DNAH6: variants seen among roughly 807,000 people sequenced by gnomAD.
DNAH6 encodes the protein dynein axonemal heavy chain 6, also known as axonemal beta dynein heavy chain 6.
DNAH6 carries 340 observed loss-of-function variants against 491.4 expected under a neutral mutation model. The observed-to-expected ratio is 0.69, with a 90% CI of 0.63 to 0.76. The LOEUF (loss-of-function observed/expected upper bound fraction) is 0.76. Ranked by LOEUF, DNAH6 falls within the 30% of genes least tolerant of loss-of-function variation. DNAH6 has a pLI of 0.00. For synonymous variants in DNAH6, 1,603 were observed against 1,686.1 expected (o/e 0.95, Z 1.21); for missense variants, 4,443 against 4,972.2 (o/e 0.89, Z 3.20).
At chr2:84,666,770 A>T (rs1692171288) in intron 37 of DNAH6, among the ~76,000 whole-genome samples, 1 of 152,218 alleles carries the variant, frequency 6.6e-6, no homozygotes, top group African/African-American at 2.4e-5. Context: ...TATGGAACCA[A>T]AAAAGAGCCC....
intron 76 of DNAH6, among the ~76,000 whole-genome samples, chr2:84,818,202 C>A (rs1411910946): frequency 1.3e-5 from 2 of 151,810 alleles, no homozygotes; most frequent in Non-Finnish European, 2.9e-5. Context: ...CACTAATATC[C>A]CAAAAAAGAA....
rs573509840 is a variant in DNAH6, at chr2:84,786,787, G to A, written c.11101-377G>A. Among the ~76,000 whole-genome samples, 6 of 152,302 alleles carry A rather than the reference G, an allele frequency of 3.9e-5. No homozygotes were observed. The East Asian group carries it at 1.2e-3, about 29-fold the overall frequency. On this transcript the variant is annotated intron_variant, in intron 67 of 76. Coordinates refer to ENST00000389394, the MANE Select transcript of DNAH6 (RefSeq NM_001370.2). ...TGGACAGACTCCTTAAAACAGTAGGGAGTAGCTCTCTCCACCAGATGGATG... is the reference window on the plus strand; with the variant it reads ...TGGACAGACTCCTTAAAACAGTAGGAAGTAGCTCTCTCCACCAGATGGATG...
intron 21 of DNAH6, among the ~76,000 whole-genome samples, chr2:84,607,873 C>T (rs2104311322): frequency 6.6e-6 from 1 of 152,180 alleles, no homozygotes; most frequent in South Asian, 2.1e-4. Flanking sequence ...TCGACTCTTC[C>T]TTTTATTTAA....
chr2:84,591,178 C>T (rs1684076853), intron 16 of DNAH6, among the ~76,000 whole-genome samples: 1 of 152,068 alleles, frequency 6.6e-6, no homozygotes, highest in African/African-American at 2.4e-5. Context: ...CCAGCATATT[C>T]TAGACATCTC....
At chr2:84,538,660 G>C (rs1474389907) in intron 4 of DNAH6, among the ~76,000 whole-genome samples, 1 of 152,102 alleles carries the variant, frequency 6.6e-6, no homozygotes, top group Non-Finnish European at 1.5e-5. Context: ...GAGAAACTTT[G>C]TTAAGTCAGT....
chr2:84,633,370 T>C (rs1174412257), intron 29 of DNAH6, among the ~76,000 whole-genome samples: 1 of 152,006 alleles, frequency 6.6e-6, no homozygotes, highest in East Asian at 1.9e-4. Flanking sequence ...TTTAGCCTGG[T>C]GGGGATCTCA....
At chr2:84,527,133 G>A (rs1361493735) in intron 3 of DNAH6, among the ~76,000 whole-genome samples, 1 of 152,142 alleles carries the variant, frequency 6.6e-6, no homozygotes, top group East Asian at 1.9e-4. Flanking sequence ...AATGCAACAA[G>A]GAGGATTTCC....
chr2:84,673,780 C>T (rs1692969121), intron 40 of DNAH6, among the ~76,000 whole-genome samples: 1 of 152,238 alleles, frequency 6.6e-6, no homozygotes, highest in African/African-American at 2.4e-5. Context: ...TCCTTATAGT[C>T]TAGCTGCATG....
intron 63 of DNAH6, among the ~76,000 whole-genome samples, chr2:84,761,662 T>G (rs1485636119): frequency 6.6e-6 from 1 of 152,082 alleles, no homozygotes; most frequent in Non-Finnish European, 1.5e-5. Context: ...CATCCTCACT[T>G]AAAGGAACAG....
chr2:84,747,791 A>G (rs947824657), intron 63 of DNAH6, among the ~76,000 whole-genome samples: 2 of 151,798 alleles, frequency 1.3e-5, no homozygotes, highest in African/African-American at 4.8e-5. Context: ...CATCCAATAC[A>G]TTTTTCCAAT....
chr2:84,617,550 A>C (rs1259889725), intron 23 of DNAH6, among the ~76,000 whole-genome samples: 1 of 151,590 alleles, frequency 6.6e-6, no homozygotes, highest in Non-Finnish European at 1.5e-5. Context: ...CAACCCTTCC[A>C]CTACCCTTCC....
Position 84,658,805 on chromosome 2 carries a change from A to G in DNAH6, c.5941-221A>G, listed in dbSNP as rs568283297. 2.0e-5 allele frequency among the ~76,000 whole-genome samples: 3 copies of G among 152,184 alleles called. No individual in the cohort carries two copies. In the East Asian group the frequency reaches 5.8e-4, roughly 29 times the overall value. ...AGACAAACTTGGACTTTTTTTCCCT[A>G]CATATTCCTTCTCATTCATTTTCTC... On this transcript the variant is annotated intron_variant, in intron 36 of 76. Coordinates refer to ENST00000389394, the MANE Select transcript of DNAH6 (RefSeq NM_001370.2).
At chr2:84,613,142 A>AGT (rs1483746880) in intron 22 of DNAH6, among the ~76,000 whole-genome samples, 81 of 150,020 alleles carry the variant, frequency 5.4e-4, no homozygotes, top group East Asian at 1.8e-3. Flanking sequence ...AGAGAGAGAG[A>AGT]GAGTGTGTGT....
intron 4 of DNAH6, among the ~76,000 whole-genome samples, chr2:84,537,165 C>T (rs953107728): frequency 1.3e-5 from 2 of 151,858 alleles, no homozygotes; most frequent in Non-Finnish European, 2.9e-5. Flanking sequence ...CCTCAATAAC[C>T]TAAAAAACGT....
chr2:84,503,256 G>A, the DNAH6 span, among the ~76,000 whole-genome samples: 1 of 152,018 alleles, frequency 6.6e-6, no homozygotes, highest in Non-Finnish European at 1.5e-5. Context: ...AACAAACAAA[G>A]GAAGAGAAAA....
intron 64 of DNAH6, chr2:84,778,123 C>G: frequency 1.3e-6 from 1 of 778,740 alleles, no homozygotes; most frequent in Admixed American, 1.7e-5. Context: ...ATGGCACAGG[C>G]CATGCCAACA....
chr2:84,595,957 C>T (rs1684538265), intron 18 of DNAH6, among the ~76,000 whole-genome samples, 168 bp downstream of exon 18: 1 of 152,192 alleles, frequency 6.6e-6, no homozygotes, highest in Non-Finnish European at 1.5e-5. Flanking sequence ...GCATTCCTGT[C>T]TTCATTTGGC....
intron 68 of DNAH6, among the ~76,000 whole-genome samples, chr2:84,794,433 C>G (rs2105276961): frequency 6.6e-6 from 1 of 151,302 alleles, no homozygotes; most frequent in South Asian, 2.1e-4. Flanking sequence ...ACTCATCTGA[C>G]AAAGGGTTAA....
chr2:84,525,464 A>T, intron 2 of DNAH6, 101 bp from the exon 3 acceptor site: 1 of 1,163,268 alleles, frequency 8.6e-7, no homozygotes, highest in Non-Finnish European at 1.2e-6. Context: ...TAGTCCAAGG[A>T]GATCAATTTC....
Sources: gnomAD v4.1 joint callset for allele counts (sites outside exome capture counted in the v4.1 genomes callset) on GRCh38, gnomAD v4.1.1 for gene constraint, MANE v1.5 for transcripts, NCBI Gene and HGNC (gene_info 2026-07-23, HGNC 2026-07-21) for gene names.